RBFOX1: variants seen among roughly 807,000 people sequenced by gnomAD.
The protein encoded by RBFOX1 is RNA binding protein fox-1 homolog 1.
Under a neutral mutation model 57.7 loss-of-function variants are expected in RBFOX1, and 8 were observed. The observed-to-expected ratio is 0.14, with a 90% CI of 0.08 to 0.25. RBFOX1 has a LOEUF of 0.25. RBFOX1 is among the 10% of genes least tolerant of loss of function. RBFOX1 has a pLI of 1.00. For missense variants in RBFOX1, 611 were observed against 548.5 expected (o/e 1.11, Z -1.14); for synonymous variants, 326 against 222.4 (o/e 1.47, Z -4.15).
chr16:5,976,496 A>T (rs2060065604), intron 4 of RBFOX1, among the ~76,000 whole-genome samples: 1 of 152,164 alleles, frequency 6.6e-6, no homozygotes, highest in South Asian at 2.1e-4. Flanking sequence ...TAGGAAAGAA[A>T]TTCCAGGGTG....
At chr16:6,528,106 T>A (rs2096606308) in intron 2 of RBFOX1, among the ~76,000 whole-genome samples, 1 of 152,180 alleles carries the variant, frequency 6.6e-6, no homozygotes. Context: ...CTTTCCTGAT[T>A]CACCCAACTG....
At chr16:7,190,133 G>A (rs1045624523) in intron 4 of RBFOX1, among the ~76,000 whole-genome samples, 2 of 152,156 alleles carry the variant, frequency 1.3e-5, no homozygotes, top group Non-Finnish European at 2.9e-5. Context: ...GGCCAAGGCG[G>A]GCAGATTGTT....
At chr16:6,386,051 T>G (rs2092256451) in intron 2 of RBFOX1, among the ~76,000 whole-genome samples, 1 of 151,896 alleles carries the variant, frequency 6.6e-6, no homozygotes. Flanking sequence ...TTCTCCTGCC[T>G]CAGCCTCCCC....
At chr16:6,532,892 C>A (rs544110612) in intron 2 of RBFOX1, among the ~76,000 whole-genome samples, 2 of 152,326 alleles carry the variant, frequency 1.3e-5, no homozygotes, top group Admixed American at 6.5e-5. Context: ...CCCTTGAGTG[C>A]CAGTGTCACC....
intron 4 of RBFOX1, among the ~76,000 whole-genome samples, chr16:7,437,792 C>T (rs996422021): frequency 1.3e-5 from 2 of 150,862 alleles, no homozygotes; most frequent in East Asian, 2.0e-4. Flanking sequence ...GGAAGGCAAA[C>T]GAATACAGAT....
chr16:7,370,099 G>A (rs979297848), intron 4 of RBFOX1, among the ~76,000 whole-genome samples: 2 of 152,178 alleles, frequency 1.3e-5, no homozygotes, highest in African/African-American at 4.8e-5. Flanking sequence ...TTCTGTTGTT[G>A]AAGGGTTTCC....
chr16:7,332,872 G>A (rs1347458292), intron 4 of RBFOX1: 2 of 1,536,382 alleles, frequency 1.3e-6, no homozygotes, highest in Non-Finnish European at 1.7e-6. Context: ...GCGTTGATGA[G>A]TGCTTGGCTC....
At chr16:5,692,808 T>C (rs1021397394) in intron 3 of RBFOX1, among the ~76,000 whole-genome samples, 1 of 151,730 alleles carries the variant, frequency 6.6e-6, no homozygotes, top group Non-Finnish European at 1.5e-5. Context: ...GGCAAGAGGG[T>C]TGTGCTCATC....
chr16:6,296,797 A>C (rs1043189177), intron 1 of RBFOX1, among the ~76,000 whole-genome samples: 3 of 152,178 alleles, frequency 2.0e-5, no homozygotes, highest in African/African-American at 7.2e-5. Context: ...TGCCAGAGGA[A>C]GTCCATGCAT....
chr16:7,028,696 G>A (rs748967426), intron 3 of RBFOX1, among the ~76,000 whole-genome samples: 3 of 149,068 alleles, frequency 2.0e-5, no homozygotes, highest in Non-Finnish European at 3.0e-5. Flanking sequence ...ATTTGAAAAT[G>A]TGAACCAACT....
In RBFOX1 at chr16:7,169,907, C is replaced by CA. The variant is rs753436872; in HGVS notation, c.27+117817dup. On this transcript the variant is annotated intron_variant, in intron 4 of 15. Transcript: ENST00000550418. Reference sequence around the variant, plus strand: ...GCAACGTGGCAAGACCCTATCTCTACAAAAAAAATAAAAAAAATAGCTGGG... The same window carrying CA: ...GCAACGTGGCAAGACCCTATCTCTACAAAAAAAAATAAAAAAAATAGCTGGG... Among the ~76,000 whole-genome samples, 48 of 151,512 alleles carry CA rather than the reference C, an allele frequency of 3.2e-4. 1 individual carries two copies. The Middle Eastern group carries it at 0.02, about 64-fold the overall frequency.
chr16:5,639,855 T>G (rs1174527015), intron 3 of RBFOX1, among the ~76,000 whole-genome samples: 1 of 152,226 alleles, frequency 6.6e-6, no homozygotes, highest in East Asian at 1.9e-4. Context: ...ATCTTGTGCC[T>G]TTGAAGCCCC....
chr16:5,276,776 A>C (rs1234288444), intron 1 of RBFOX1, among the ~76,000 whole-genome samples: 3 of 152,196 alleles, frequency 2.0e-5, no homozygotes, highest in Non-Finnish European at 2.9e-5. Flanking sequence ...ATCTCAAAAC[A>C]ACAACAACAA....
At chr16:6,942,852 C>G (rs1418120187) in intron 3 of RBFOX1, among the ~76,000 whole-genome samples, 2 of 152,192 alleles carry the variant, frequency 1.3e-5, no homozygotes, top group African/African-American at 4.8e-5. Flanking sequence ...GGAGGACAGT[C>G]CTTCTACATG....
chr16:5,308,593 G>A (rs916106987), intron 1 of RBFOX1, among the ~76,000 whole-genome samples: 4 of 152,066 alleles, frequency 2.6e-5, no homozygotes, highest in East Asian at 1.9e-4. Context: ...TTGTTATTTT[G>A]ACTATATTTA....
intron 1 of RBFOX1, among the ~76,000 whole-genome samples, chr16:6,281,423 T>C (rs1056508047): frequency 7.2e-5 from 11 of 152,150 alleles, no homozygotes; most frequent in African/African-American, 2.4e-4. Context: ...CGCCTTGTAA[T>C]ACCACGTTTT....
chr16:6,907,689 G>T (rs7199173), intron 3 of RBFOX1, among the ~76,000 whole-genome samples: 41,617 of 152,064 alleles, frequency 0.27, 7,078 homozygotes, highest in African/African-American at 0.49. Context: ...TCCTGGCTCA[G>T]CCTCCTGAGT....
chr16:5,895,205 T>C (rs2058136309), intron 4 of RBFOX1, among the ~76,000 whole-genome samples: 1 of 152,206 alleles, frequency 6.6e-6, no homozygotes, highest in African/African-American at 2.4e-5. Flanking sequence ...GCTGAGGTCA[T>C]AGTGTTAAGT....
intron 4 of RBFOX1, among the ~76,000 whole-genome samples, chr16:5,993,088 C>T (rs767422887): frequency 4.6e-5 from 7 of 152,134 alleles, no homozygotes; most frequent in Non-Finnish European, 7.4e-5. Context: ...TCCACAAGTA[C>T]CATCCTGTCT....
Sources: allele counts gnomAD v4.1 joint callset (sites outside exome capture counted in the v4.1 genomes callset), GRCh38; gene constraint gnomAD v4.1.1; transcripts MANE v1.5; gene names NCBI Gene and HGNC (gene_info 2026-07-23, HGNC 2026-07-21).